The following COLQ variants were observed in gnomAD, a reference collection of about 807,000 sequenced individuals.
COLQ encodes acetylcholinesterase collagenic tail peptide.
COLQ carries 48 observed loss-of-function variants against 69.0 expected under a neutral mutation model. The ratio of observed to expected loss-of-function variants is 0.70; its 90% CI spans 0.55 to 0.88. COLQ has a LOEUF of 0.88. Ranked by LOEUF, COLQ falls within the 40% of genes least tolerant of loss-of-function variation. The probability of loss-of-function intolerance (pLI) is 0.00; values close to 1 mark genes in which losing one functional copy is unlikely to be tolerated. For synonymous variants in COLQ, 217 were observed against 211.2 expected (o/e 1.03, Z -0.24); for missense variants, 618 against 594.6 (o/e 1.04, Z -0.41).
chr3:15,491,130 TTA>T (rs912011410), intron 1 of COLQ, among the ~76,000 whole-genome samples: 2 of 152,122 alleles, frequency 1.3e-5, no homozygotes, highest in African/African-American at 2.4e-5. Context: ...GCTTGAATGG[TTA>T]TAGTTTTATT....
At chr3:15,511,721 T>G (rs936964653) in intron 1 of COLQ, among the ~76,000 whole-genome samples, 1 of 152,130 alleles carries the variant, frequency 6.6e-6, no homozygotes, top group Non-Finnish European at 1.5e-5. Context: ...TCCTGGACAC[T>G]GTGCTCAGTG....
At chr3:15,453,571 G>T (rs1037167402) in intron 16 of COLQ, among the ~76,000 whole-genome samples, 1 of 152,150 alleles carries the variant, frequency 6.6e-6, no homozygotes, top group Non-Finnish European at 1.5e-5. Context: ...CTCAGAGACC[G>T]CAGCTCCCCT....
At chr3:15,489,464 TG>T (rs1368511489) in intron 2 of COLQ, 60 bp downstream of exon 2, 8 of 1,489,702 alleles carry the variant, frequency 5.4e-6, no homozygotes. Context: ...CAGGTGGGGC[TG>T]CGTGGTGTGC....
intron 7 of COLQ, 190 bp from the exon 8 acceptor site, chr3:15,475,141 C>A: frequency 1.4e-6 from 1 of 702,016 alleles, no homozygotes; most frequent in Non-Finnish European, 2.5e-6. Flanking sequence ...CTAAAAGGAA[C>A]ATTGCTTTTA....
chr3:15,493,364 G>T (rs981020650), intron 1 of COLQ, among the ~76,000 whole-genome samples: 2 of 152,254 alleles, frequency 1.3e-5, no homozygotes, highest in Non-Finnish European at 2.9e-5. Flanking sequence ...GTTAACAACT[G>T]TCAGAAAGAG....
At chr3:15,478,341 T>G (rs2062417649) in intron 5 of COLQ, among the ~76,000 whole-genome samples, 1 of 152,206 alleles carries the variant, frequency 6.6e-6, no homozygotes, top group African/African-American at 2.4e-5. Context: ...AATATAGTAA[T>G]TTATATTTAG....
At position 15,458,217 on chromosome 3, in the gene COLQ, A is replaced by G. The variant is rs2062052201; in HGVS notation, c.923T>C (p.Val308Ala). ...NVNNPSYGES[V>A]YGPSSPRVPV... The stretch of plus-strand genomic sequence containing the variant: ...AACTCGCGGGGAACTGGGCCCATAC[A>G]CAGATTCCCCGTAGGAAGGGTTATT... The change falls in exon 13 of 17, where the codon GTG becomes GCG. Residue 308 changes from valine (V) to alanine (A), a missense_variant. Transcript: ENST00000383788. 1 of 1,614,024 alleles carries G rather than the reference A, an allele frequency of 6.2e-7. No homozygotes were observed. The highest frequency in any genetic ancestry group is 8.5e-7 in the Non-Finnish European group (1 of 1,180,004).
intron 11 of COLQ, among the ~76,000 whole-genome samples, chr3:15,469,149 C>T (rs1193279634): frequency 6.6e-6 from 1 of 152,194 alleles, no homozygotes; most frequent in Non-Finnish European, 1.5e-5. Flanking sequence ...TTGTCGAAAG[C>T]TTGGGCTCTT....
rs553531606 is a variant in COLQ, at chr3:15,511,513, T to G, written c.106+10007A>C. ...CACCTCGGCCCTTCAATCCTCACTT[T>G]CTACTGGCAGACAGGAAGAGTGAGG... is the stretch of plus-strand genomic sequence containing the variant. On this transcript the variant is annotated intron_variant, in intron 1 of 16. Transcript: ENST00000383788. 1.9e-4 allele frequency among the ~76,000 whole-genome samples: 29 copies of G among 152,242 alleles called. No homozygotes were observed. In the South Asian group the frequency reaches 5.8e-3, roughly 31 times the overall value.
At position 15,451,668 on chromosome 3, in the gene COLQ, G is replaced by C. The variant is rs748932004; in HGVS notation, c.1344C>G (p.Ser448=). ...LQCTQYCYID[S]TPCRYFT is the part of the protein sequence containing the mutation. ...CTCAGGTGAAGTAGCGGCAGGGCGT[G>C]GAGTCGATGTAGCAGTACTGGGTGC... is the stretch of plus-strand genomic sequence containing the variant. The change falls in exon 17 of 17, where the codon TCC becomes TCG. Residue 448 remains serine (S), a synonymous_variant. Transcript: ENST00000383788. 1.2e-6 allele frequency: 2 copies of C among 1,614,208 alleles called. No homozygotes were observed. The highest frequency in any genetic ancestry group is 1.7e-6 in the Non-Finnish European group (2 of 1,180,038).
At chr3:15,508,356 T>C (rs1460863612) in intron 1 of COLQ, among the ~76,000 whole-genome samples, 2 of 152,336 alleles carry the variant, frequency 1.3e-5, no homozygotes, top group Admixed American at 6.5e-5. Context: ...ACATTACTTA[T>C]CTGAGATAAG....
At chr3:15,475,537 A>C in intron 6 of COLQ, 50 bp from the exon 7 acceptor site, 1 of 1,522,118 alleles carries the variant, frequency 6.6e-7, no homozygotes, top group Non-Finnish European at 8.9e-7. Flanking sequence ...TTTTAGAGAA[A>C]CTGAACCAGG....
intron 1 of COLQ, among the ~76,000 whole-genome samples, chr3:15,503,996 T>A (rs996758010): frequency 3.2e-4 from 49 of 152,120 alleles, no homozygotes; most frequent in African/African-American, 1.2e-3. Flanking sequence ...GGGTTTCAGT[T>A]TCCTGGTTTG....
At chr3:15,472,147 G>A (rs1280908206) in intron 10 of COLQ, among the ~76,000 whole-genome samples, 1 of 152,182 alleles carries the variant, frequency 6.6e-6, no homozygotes, top group East Asian at 1.9e-4. Context: ...CAGATGGGAA[G>A]TCTAGTAAAT....
chr3:15,480,928 A>C (rs1424417302), intron 3 of COLQ, among the ~76,000 whole-genome samples: 1 of 152,244 alleles, frequency 6.6e-6, no homozygotes, highest in Non-Finnish European at 1.5e-5. Flanking sequence ...TGTGATGGCC[A>C]GTGATAATGA....
At chr3:15,452,956 C>T (rs1372069717) in intron 16 of COLQ, among the ~76,000 whole-genome samples, 1 of 152,224 alleles carries the variant, frequency 6.6e-6, no homozygotes, top group East Asian at 1.9e-4. Flanking sequence ...GGAGCAAAAG[C>T]TGAAGGGACT....
At chr3:15,479,539 GC>G (rs2062440362) in intron 3 of COLQ, among the ~76,000 whole-genome samples, 157 bp from the exon 4 acceptor site, 1 of 152,096 alleles carries the variant, frequency 6.6e-6, no homozygotes, top group Non-Finnish European at 1.5e-5. Flanking sequence ...TTGCCCTCCA[GC>G]CCAGTCCCCT....
intron 11 of COLQ, among the ~76,000 whole-genome samples, chr3:15,469,217 C>T (rs577046806): frequency 5.3e-5 from 8 of 152,176 alleles, no homozygotes; most frequent in Non-Finnish European, 1.0e-4. Flanking sequence ...ATGATTCCAA[C>T]GGAATTAGTC....
chr3:15,457,370 CAG>C (rs2062040147), intron 13 of COLQ, among the ~76,000 whole-genome samples: 1 of 151,582 alleles, frequency 6.6e-6, no homozygotes, highest in Admixed American at 6.6e-5. Context: ...TTATGATGAA[CAG>C]ATGTCCAAGG....
Sources: allele counts gnomAD v4.1 joint callset (sites outside exome capture counted in the v4.1 genomes callset), GRCh38; gene constraint gnomAD v4.1.1; transcripts MANE v1.5; gene names NCBI Gene and HGNC (gene_info 2026-07-23, HGNC 2026-07-21).